PCP4: variants seen among roughly 807,000 people sequenced by gnomAD.
The protein encoded by PCP4 is calmodulin regulator protein PCP4.
Under a neutral mutation model 10.0 loss-of-function variants are expected in PCP4, and 8 were observed. That is an observed-to-expected ratio of 0.80 (90% CI 0.47 to 1.45). The LOEUF (loss-of-function observed/expected upper bound fraction) is 1.45. PCP4 is among the 40% of genes most tolerant of loss of function. The pLI, the probability that PCP4 is intolerant of heterozygous loss-of-function variation, is 0.00. For synonymous variants in PCP4, 21 were observed against 23.0 expected (o/e 0.91, Z 0.24); for missense variants, 54 against 74.4 (o/e 0.73, Z 1.01).
intron 2 of PCP4, among the ~76,000 whole-genome samples, chr21:39,924,030 A>T (rs1406201586): frequency 6.6e-6 from 1 of 152,210 alleles, no homozygotes; most frequent in Non-Finnish European, 1.5e-5. Context: ...TCTTGCAACA[A>T]GCCCAGCAAA....
chr21:39,920,173 G>A (rs2087589223), intron 2 of PCP4, among the ~76,000 whole-genome samples: 1 of 148,370 alleles, frequency 6.7e-6, no homozygotes, highest in African/African-American at 2.5e-5. Flanking sequence ...GATGTGTGAT[G>A]TGTGTGGTGT....
chr21:39,891,669 C>T (rs1448965238), intron 1 of PCP4, among the ~76,000 whole-genome samples: 1 of 152,204 alleles, frequency 6.6e-6, no homozygotes, highest in Non-Finnish European at 1.5e-5. Context: ...TTATTGCATA[C>T]AAGACAAGGG....
intron 1 of PCP4, among the ~76,000 whole-genome samples, chr21:39,897,772 C>T (rs532701521): frequency 6.6e-6 from 1 of 152,086 alleles, no homozygotes; most frequent in East Asian, 1.9e-4. Flanking sequence ...TTGGGCCGGG[C>T]GCGGTGGCTC....
intron 1 of PCP4, among the ~76,000 whole-genome samples, chr21:39,888,973 C>T (rs1190179627): frequency 1.3e-5 from 2 of 152,200 alleles, no homozygotes; most frequent in Non-Finnish European, 2.9e-5. Context: ...AGTCCTTTAA[C>T]TAGAGAAGTT....
rs537416122 is a variant in PCP4, at chr21:39,908,000, C to T, written c.61+9473C>T. On this transcript the variant is annotated intron_variant, in intron 2 of 2. Coordinates refer to ENST00000328619, the MANE Select transcript of PCP4 (RefSeq NM_006198.3). The stretch of plus-strand genomic sequence containing the variant: ...GGCCTTTGGGCCAGGTCACCCTGTT[C>T]CCCTGTTTGTCCCCACTAATTAAAA... 2.0e-5 allele frequency among the ~76,000 whole-genome samples: 3 copies of T among 152,278 alleles called. No individual in the cohort carries two copies. The South Asian group carries it at 6.2e-4, about 32-fold the overall frequency.
At chr21:39,905,756 T>A (rs1345226882) in intron 2 of PCP4, among the ~76,000 whole-genome samples, 1 of 152,066 alleles carries the variant, frequency 6.6e-6, no homozygotes, top group Admixed American at 6.6e-5. Context: ...TTGCATAGTT[T>A]AAAAAAATGT....
chr21:39,916,768 A>T (rs1296059970), intron 2 of PCP4, among the ~76,000 whole-genome samples: 1 of 152,256 alleles, frequency 6.6e-6, no homozygotes, highest in Non-Finnish European at 1.5e-5. Context: ...TGCAGCTCTA[A>T]AAAAGGAATG....
chr21:39,925,220 C>T (rs1436059650), intron 2 of PCP4, among the ~76,000 whole-genome samples: 4 of 152,172 alleles, frequency 2.6e-5, no homozygotes, highest in Admixed American at 2.6e-4. Context: ...CAGGACAGCT[C>T]CCAGCTACAT....
rs35436694 is a variant in PCP4 at position 39,907,796 on chromosome 21, C to CA, written c.61+9281dup. On this transcript the variant is annotated intron_variant, in intron 2 of 2. Transcript: ENST00000328619. ...TGGGCAACAGAGTGAGACTCTGTCT[C>CA]AAAAAAAAAAAAGTGCCTTCTAATC... is the stretch of plus-strand genomic sequence containing the variant. Among the ~76,000 whole-genome samples, 631 of 145,408 alleles carry CA rather than the reference C, an allele frequency of 4.3e-3. 5 individuals carry two copies. Among genetic ancestry groups the CA allele is most frequent in the South Asian group, 0.026 (119 of 4,596 alleles).
At chr21:39,903,911 T>C (rs1313894144) in intron 2 of PCP4, among the ~76,000 whole-genome samples, 1 of 151,132 alleles carries the variant, frequency 6.6e-6, no homozygotes, top group Admixed American at 6.6e-5. Context: ...TAGTTTGATT[T>C]GATATGATTA....
intron 2 of PCP4, among the ~76,000 whole-genome samples, chr21:39,900,186 C>G (rs1023313863): frequency 3.3e-5 from 5 of 152,030 alleles, no homozygotes; most frequent in Admixed American, 6.6e-5. Context: ...AGGCACCCAC[C>G]ACCACGCCTG....
intron 1 of PCP4, among the ~76,000 whole-genome samples, chr21:39,894,497 G>A (rs755137357): frequency 7.9e-5 from 12 of 152,136 alleles, no homozygotes; most frequent in Non-Finnish European, 1.5e-4. Context: ...GGTCATTGTG[G>A]CTATGCATAT....
At chr21:39,898,255 G>C (rs915388287) in intron 1 of PCP4, 1 of 589,064 alleles carries the variant, frequency 1.7e-6, no homozygotes, top group Non-Finnish European at 3.1e-6. Flanking sequence ...TGCATTCCTA[G>C]AGCAGTGGAT....
At chr21:39,921,624 T>C (rs572214858) in intron 2 of PCP4, among the ~76,000 whole-genome samples, 3 of 152,324 alleles carry the variant, frequency 2.0e-5, no homozygotes, top group Non-Finnish European at 4.4e-5. Context: ...TAACCTCTGG[T>C]ACCCCAGATT....
At chr21:39,928,362 C>T (rs984318232) in intron 2 of PCP4, among the ~76,000 whole-genome samples, 1 of 152,218 alleles carries the variant, frequency 6.6e-6, no homozygotes, top group African/African-American at 2.4e-5. Context: ...TGTGTCCTGT[C>T]ACCGTGTGAA....
At chr21:39,883,104 C>G (rs2087383621) in intron 1 of PCP4, among the ~76,000 whole-genome samples, 1 of 131,134 alleles carries the variant, frequency 7.6e-6, no homozygotes, top group South Asian at 2.9e-4. Context: ...GGAAGGCAAT[C>G]AAAGAAGTGG....
At chr21:39,884,375 C>T (rs1200260598) in intron 1 of PCP4, among the ~76,000 whole-genome samples, 2 of 151,744 alleles carry the variant, frequency 1.3e-5, no homozygotes, top group Non-Finnish European at 2.9e-5. Flanking sequence ...GACGGGGTTT[C>T]ACCATGTTGG....
chr21:39,920,991 T>G (rs1450170519), intron 2 of PCP4, among the ~76,000 whole-genome samples: 2 of 152,208 alleles, frequency 1.3e-5, no homozygotes, highest in Admixed American at 1.3e-4. Context: ...TCTCTGAAAT[T>G]CTATTACTTA....
chr21:39,880,738 G>A (rs1174401146), intron 1 of PCP4, among the ~76,000 whole-genome samples: 2 of 152,168 alleles, frequency 1.3e-5, no homozygotes, highest in Non-Finnish European at 2.9e-5. Context: ...AAACATTTTT[G>A]TATGCTGGGC....
Sources: gnomAD v4.1 joint callset for allele counts (sites outside exome capture counted in the v4.1 genomes callset) on GRCh38, gnomAD v4.1.1 for gene constraint, MANE v1.5 for transcripts, NCBI Gene and HGNC (gene_info 2026-07-23, HGNC 2026-07-21) for gene names.